Variants in ANTXR1 observed in about 807,000 individuals in gnomAD.
The protein encoded by ANTXR1 is anthrax toxin receptor 1.
In ANTXR1, 19 loss-of-function variants were observed where a neutral mutation model predicts 78.1. The observed-to-expected ratio is 0.24, with a 90% CI of 0.17 to 0.36. The LOEUF is 0.36. ANTXR1 is among the 10% of genes least tolerant of loss of function. The pLI is 1.00. For missense variants in ANTXR1, 518 were observed against 718.6 expected (o/e 0.72, Z 3.19); for synonymous variants, 273 against 260.5 (o/e 1.05, Z -0.46).
At chr2:69,233,309 A>G (rs1032264986) in intron 17 of ANTXR1, among the ~76,000 whole-genome samples, 1 of 152,036 alleles carries the variant, frequency 6.6e-6, no homozygotes, top group Non-Finnish European at 1.5e-5. Flanking sequence ...GTAGCTCACA[A>G]CAAAAGAAAC....
intron 17 of ANTXR1, among the ~76,000 whole-genome samples, chr2:69,199,891 A>C (rs1674735488): frequency 6.6e-6 from 1 of 152,176 alleles, no homozygotes; most frequent in East Asian, 1.9e-4. Flanking sequence ...AGATAGGCTG[A>C]TCACACTCTT....
intron 7 of ANTXR1, among the ~76,000 whole-genome samples, chr2:69,076,743 ATTAC>A (rs1670744383): frequency 6.6e-6 from 1 of 152,256 alleles, no homozygotes; most frequent in Admixed American, 6.5e-5. Flanking sequence ...ATGAGTAAGT[ATTAC>A]TTTTGCAATC....
At chr2:69,096,121 G>C (rs544693868) in intron 9 of ANTXR1, among the ~76,000 whole-genome samples, 1 of 151,824 alleles carries the variant, frequency 6.6e-6, no homozygotes, top group African/African-American at 2.4e-5. Context: ...AGCCAGGCGT[G>C]GTGGCGGGCT....
chr2:69,026,878 C>G (rs1471408849), intron 1 of ANTXR1, among the ~76,000 whole-genome samples: 1 of 152,196 alleles, frequency 6.6e-6, no homozygotes, highest in Non-Finnish European at 1.5e-5. Context: ...AAGAAAGTGT[C>G]TAGGAGACGC....
In ANTXR1 at chr2:69,113,952, A is replaced by G. The variant is rs1672065801; in HGVS notation, c.803-9065A>G. On this transcript the variant is annotated intron_variant, in intron 10 of 17. Transcript: ENST00000303714. ...TAATTTGTAAGTTCTATAAATGTCA[A>G]CAGTCAAGAATTGTTTTGGGTGTGG... Among the ~76,000 whole-genome samples the G allele has an allele frequency of 2.6e-5, 4 of 152,366 alleles. No individual in the cohort carries two copies. The South Asian group carries it at 8.3e-4, about 32-fold the overall frequency.
rs373623940 is a variant in ANTXR1, at chr2:69,075,941, G to T, written c.561+283G>T. Reference sequence around the variant, plus strand: ...ATATCTGAATTAACTTGGAAAACGGGTTTTTTCTGTTTGTTTGTGTTTTGA... The same window carrying T: ...ATATCTGAATTAACTTGGAAAACGGTTTTTTTCTGTTTGTTTGTGTTTTGA... On this transcript the variant is annotated intron_variant, in intron 7 of 17. Transcript: ENST00000303714. 2.0e-4 allele frequency among the ~76,000 whole-genome samples: 31 copies of T among 152,158 alleles called. 1 individual carries two copies. The highest frequency in any genetic ancestry group is 7.0e-4 in the African/African-American group (29 of 41,512).
At chr2:69,101,058 T>C (rs1009716907) in intron 9 of ANTXR1, among the ~76,000 whole-genome samples, 21 of 152,336 alleles carry the variant, frequency 1.4e-4, no homozygotes, top group African/African-American at 4.6e-4. Flanking sequence ...ATTCAAAATG[T>C]CACAGTCTCC....
chr2:69,221,938 A>G (rs550256089), intron 17 of ANTXR1, among the ~76,000 whole-genome samples: 5 of 152,338 alleles, frequency 3.3e-5, no homozygotes, highest in African/African-American at 1.2e-4. Context: ...AGGGATGACT[A>G]TAGAACCAGA....
intron 1 of ANTXR1, among the ~76,000 whole-genome samples, chr2:69,032,191 G>A (rs988712473): frequency 2.6e-5 from 4 of 152,116 alleles, no homozygotes; most frequent in African/African-American, 9.7e-5. Context: ...ATAAAAATTT[G>A]TTCATAACCA....
intron 3 of ANTXR1, among the ~76,000 whole-genome samples, chr2:69,054,962 C>G (rs140790124): frequency 6.6e-6 from 1 of 152,200 alleles, no homozygotes; most frequent in East Asian, 1.9e-4. Flanking sequence ...TGGTCTGAGT[C>G]CATAGGCAAG....
chr2:69,127,144 G>A (rs761937529), intron 12 of ANTXR1, among the ~76,000 whole-genome samples: 3 of 152,226 alleles, frequency 2.0e-5, no homozygotes, highest in Non-Finnish European at 2.9e-5. Context: ...CAAACTACAT[G>A]CTATGGCAAA....
At chr2:69,056,641 A>G (rs1670075486) in intron 3 of ANTXR1, among the ~76,000 whole-genome samples, 1 of 152,168 alleles carries the variant, frequency 6.6e-6, no homozygotes, top group Non-Finnish European at 1.5e-5. Context: ...TTATATGTGC[A>G]TAAGCTATAA....
intron 17 of ANTXR1, among the ~76,000 whole-genome samples, chr2:69,225,089 T>TC (rs2104514839): frequency 6.6e-6 from 1 of 152,138 alleles, no homozygotes; most frequent in Admixed American, 6.5e-5. Context: ...TCCTTTTGCC[T>TC]CCCCCCATTC....
At chr2:69,228,101 C>G (rs1221012210) in intron 17 of ANTXR1, among the ~76,000 whole-genome samples, 1 of 152,196 alleles carries the variant, frequency 6.6e-6, no homozygotes, top group Non-Finnish European at 1.5e-5. Context: ...AAATAAACCA[C>G]TATAGTGGAC....
chr2:69,039,573 G>T (rs1416533887), intron 1 of ANTXR1, among the ~76,000 whole-genome samples: 3 of 151,984 alleles, frequency 2.0e-5, no homozygotes, highest in Non-Finnish European at 4.4e-5. Context: ...TCATTAATAT[G>T]ATTTACAGAT....
chr2:69,141,829 G>A (rs186348609), intron 12 of ANTXR1, among the ~76,000 whole-genome samples: 183 of 152,228 alleles, frequency 1.2e-3, no homozygotes, highest in African/African-American at 4.2e-3. Flanking sequence ...CTTTTTGCCT[G>A]GTCCCAGCAG....
At chr2:69,193,221 G>T in intron 16 of ANTXR1, 114 bp from the exon 17 acceptor site, 1 of 828,130 alleles carries the variant, frequency 1.2e-6, no homozygotes, top group Non-Finnish European at 2.1e-6. Context: ...TGACCATATT[G>T]ACAGTGTTGT....
At chr2:69,219,422 C>CACACA (rs58106996) in intron 17 of ANTXR1, among the ~76,000 whole-genome samples, 2 of 150,650 alleles carry the variant, frequency 1.3e-5, no homozygotes, top group East Asian at 2.0e-4. Flanking sequence ...CACACACACA[C>CACACA]CCTACTGATG....
chr2:69,041,563 T>C (rs1300252616), intron 2 of ANTXR1, among the ~76,000 whole-genome samples: 1 of 152,186 alleles, frequency 6.6e-6, no homozygotes, highest in Non-Finnish European at 1.5e-5. Context: ...CTAAGTTCCG[T>C]TGTGCAACCG....
Sources: gnomAD v4.1 joint callset for allele counts (sites outside exome capture counted in the v4.1 genomes callset) on GRCh38, gnomAD v4.1.1 for gene constraint, MANE v1.5 for transcripts, NCBI Gene and HGNC (gene_info 2026-07-23, HGNC 2026-07-21) for gene names.